SNX2: variants seen among roughly 807,000 people sequenced by gnomAD.
The protein encoded by SNX2 is sorting nexin-2.
Under a neutral mutation model 69.9 loss-of-function variants are expected in SNX2, and 25 were observed. That is an observed-to-expected ratio of 0.36 (90% CI 0.26 to 0.50). The LOEUF (loss-of-function observed/expected upper bound fraction) is 0.50. Among genes scored for constraint, SNX2 ranks in the 20% least tolerant of loss-of-function variants. The pLI, the probability that SNX2 is intolerant of heterozygous loss-of-function variation, is 0.97. For synonymous variants in SNX2, 229 were observed against 200.4 expected (o/e 1.14, Z -1.20); for missense variants, 551 against 613.3 (o/e 0.90, Z 1.07).
intron 6 of SNX2, among the ~76,000 whole-genome samples, chr5:122,806,023 G>A (rs930442710): frequency 2.6e-5 from 4 of 151,590 alleles, no homozygotes; most frequent in Non-Finnish European, 5.9e-5. Context: ...CTCATGATTC[G>A]CCCGTCTCAG....
At position 122,834,298 on chromosome 5, in the gene SNX2, T is replaced by C. The variant is rs1315035368; in HGVS notation, c.*4650T>C. ...CATGAAGTAATTTAAAATGCTCTTC[T>C]TCCTTTCTTGTCACATACTTTTAAA... On this transcript the variant is annotated 3_prime_UTR_variant, in exon 15 of 15. Coordinates refer to ENST00000379516, the MANE Select transcript of SNX2 (RefSeq NM_003100.4). The C allele has an allele frequency of 6.6e-6, 1 of 152,186 alleles. No individual in the cohort carries two copies. The highest frequency in any genetic ancestry group is 1.5e-5 in the Non-Finnish European group (1 of 68,008). The allele number at this position is 152,186 out of a possible 1,614,324, so 9.4% of individuals were successfully genotyped here. A position where few individuals can be genotyped will look rare whatever the true frequency, so the allele number is the denominator to read the frequency against.
At chr5:122,800,007 T>C in intron 3 of SNX2, 152 bp downstream of exon 3, 1 of 554,314 alleles carries the variant, frequency 1.8e-6, no homozygotes, top group Non-Finnish European at 3.1e-6. Flanking sequence ...CTGGCTTCTA[T>C]CTTCCCCACT....
At chr5:122,801,775 G>A in intron 3 of SNX2, 94 bp from the exon 4 acceptor site, 3 of 771,360 alleles carry the variant, frequency 3.9e-6, no homozygotes, top group Admixed American at 5.0e-5. Context: ...TGTTGTGACA[G>A]TGACTCTTAC....
At chr5:122,780,858 A>G (rs926198833) in intron 1 of SNX2, among the ~76,000 whole-genome samples, 2 of 152,060 alleles carry the variant, frequency 1.3e-5, no homozygotes, top group African/African-American at 4.8e-5. Context: ...CTGAGCCACC[A>G]CGCACAGCCT....
intron 6 of SNX2, among the ~76,000 whole-genome samples, chr5:122,804,323 A>T (rs1753584098): frequency 6.6e-6 from 1 of 151,076 alleles, no homozygotes; most frequent in African/African-American, 2.4e-5. Flanking sequence ...AATTCATCTT[A>T]GTTCATTTCG....
At chr5:122,827,971 A>G (rs1357770280) in intron 14 of SNX2, 1 of 207,722 alleles carries the variant, frequency 4.8e-6, no homozygotes, top group Non-Finnish European at 9.5e-6. Flanking sequence ...GTAAATTCTC[A>G]TAGTAAGTTC....
chr5:122,785,278 T>C (rs528572796), intron 1 of SNX2, among the ~76,000 whole-genome samples: 2 of 151,742 alleles, frequency 1.3e-5, no homozygotes, highest in Non-Finnish European at 2.9e-5. Context: ...CTAGTTTTTT[T>C]TTGTTGTTGT....
chr5:122,793,999 T>C (rs1753311646), intron 1 of SNX2, among the ~76,000 whole-genome samples: 1 of 151,700 alleles, frequency 6.6e-6, no homozygotes, highest in Non-Finnish European at 1.5e-5. Context: ...CTAGGTTTCA[T>C]TGTGTTACTC....
intron 12 of SNX2, 22 bp downstream of exon 12, chr5:122,826,215 C>A (rs745378658): frequency 4.4e-6 from 7 of 1,592,300 alleles, no homozygotes; most frequent in South Asian, 1.1e-5. Context: ...ATGCTTTAAT[C>A]TCTTTACTTA....
At chr5:122,807,394 C>T (rs1354750671) in intron 6 of SNX2, among the ~76,000 whole-genome samples, 1 of 152,124 alleles carries the variant, frequency 6.6e-6, no homozygotes, top group African/African-American at 2.4e-5. Context: ...AGCCATCATC[C>T]CCTAATGTCC....
At chr5:122,789,655 A>G (rs1335622744) in intron 1 of SNX2, among the ~76,000 whole-genome samples, 2 of 152,198 alleles carry the variant, frequency 1.3e-5, no homozygotes, top group African/African-American at 2.4e-5. Context: ...TCATATACAC[A>G]TACTCCTTAG....
chr5:122,816,844 C>A, intron 8 of SNX2, 71 bp from the exon 9 acceptor site: 1 of 748,682 alleles, frequency 1.3e-6, no homozygotes, highest in South Asian at 1.7e-5. Flanking sequence ...GAGGGGGGAT[C>A]ACTTTTGTGC....
rs930333210 is a variant in SNX2, at chr5:122,829,120, GAAAAC to G, written c.1510-468_1510-464del. On this transcript the variant is annotated intron_variant, in intron 14 of 14. Coordinates refer to ENST00000379516, the MANE Select transcript of SNX2 (RefSeq NM_003100.4). ...CAATAAGAGTGAAACTCCACCTCAA[GAAAAC>G]AAAACAAAAAAAACCCAGACGTTAG... is the stretch of plus-strand genomic sequence containing the variant. Among the ~76,000 whole-genome samples, 4 of 152,020 alleles carry G rather than the reference GAAAAC, an allele frequency of 2.6e-5. 1 individual carries two copies. The highest frequency in any genetic ancestry group is 2.6e-4 in the Admixed American group (4 of 15,256).
intron 6 of SNX2, among the ~76,000 whole-genome samples, chr5:122,804,490 C>T (rs768104161): frequency 1.3e-5 from 2 of 151,702 alleles, no homozygotes; most frequent in Admixed American, 1.3e-4. Flanking sequence ...CCCAGCCTTC[C>T]GAGTAGCTAG....
At chr5:122,818,035 T>G (rs920922777) in intron 10 of SNX2, among the ~76,000 whole-genome samples, 1 of 152,126 alleles carries the variant, frequency 6.6e-6, no homozygotes, top group African/African-American at 2.4e-5. Context: ...AGCAATACAT[T>G]TTATTAAAAT....
intron 11 of SNX2, among the ~76,000 whole-genome samples, chr5:122,823,290 T>A (rs765310478): frequency 3.0e-4 from 46 of 152,210 alleles, no homozygotes; most frequent in Non-Finnish European, 5.1e-4. Context: ...TTATTTTCTG[T>A]TATTTTGTTA....
intron 6 of SNX2, among the ~76,000 whole-genome samples, chr5:122,805,942 A>T (rs933978013): frequency 6.6e-6 from 1 of 151,686 alleles, no homozygotes; most frequent in Non-Finnish European, 1.5e-5. Flanking sequence ...CACCACGCAC[A>T]GCTAATGTTT....
At chr5:122,806,551 A>C (rs932123895) in intron 6 of SNX2, among the ~76,000 whole-genome samples, 2 of 152,206 alleles carry the variant, frequency 1.3e-5, no homozygotes, top group Non-Finnish European at 2.9e-5. Context: ...TAGAACAACA[A>C]AGTTGAAAAG....
At chr5:122,805,470 T>G (rs1753621993) in intron 6 of SNX2, among the ~76,000 whole-genome samples, 2 of 152,096 alleles carry the variant, frequency 1.3e-5, no homozygotes, top group Admixed American at 1.3e-4. Flanking sequence ...TTTTAAACAT[T>G]AGGTTTATAA....
Sources: gnomAD v4.1 joint callset for allele counts (sites outside exome capture counted in the v4.1 genomes callset) on GRCh38, gnomAD v4.1.1 for gene constraint, MANE v1.5 for transcripts, NCBI Gene and HGNC (gene_info 2026-07-23, HGNC 2026-07-21) for gene names.